DYNC1I1: variants seen among roughly 807,000 people sequenced by gnomAD.
DYNC1I1 encodes the protein dynein cytoplasmic 1 intermediate chain 1, also known as cytoplasmic dynein 1 intermediate chain 1.
A neutral mutation model predicts 86.6 loss-of-function variants in DYNC1I1; 43 were observed. That is an observed-to-expected ratio of 0.50 (90% CI 0.39 to 0.64). DYNC1I1 has a LOEUF of 0.64. Among genes scored for constraint, DYNC1I1 ranks in the 30% least tolerant of loss-of-function variants. DYNC1I1 has a pLI of 0.00. For synonymous variants in DYNC1I1, 262 were observed against 283.7 expected (o/e 0.92, Z 0.77); for missense variants, 604 against 788.8 (o/e 0.77, Z 2.81).
At chr7:95,891,348 A>C (rs1228891639) in intron 6 of DYNC1I1, among the ~76,000 whole-genome samples, 3 of 152,222 alleles carry the variant, frequency 2.0e-5, no homozygotes, top group Non-Finnish European at 4.4e-5. Flanking sequence ...CTATTTAGAA[A>C]ATGTATTCAA....
chr7:95,910,117 CTTTG>C (rs1404825520), intron 6 of DYNC1I1, among the ~76,000 whole-genome samples: 4 of 152,162 alleles, frequency 2.6e-5, no homozygotes, highest in Admixed American at 6.5e-5. Flanking sequence ...TTTGCTCTTG[CTTTG>C]TTTGACCTAT....
intron 6 of DYNC1I1, among the ~76,000 whole-genome samples, chr7:95,883,465 G>A (rs1218029108): frequency 1.3e-5 from 2 of 152,182 alleles, no homozygotes; most frequent in Non-Finnish European, 2.9e-5. Flanking sequence ...GTATAATGAT[G>A]TTTTATGTGA....
chr7:96,058,244 A>T (rs988552816), intron 14 of DYNC1I1, among the ~76,000 whole-genome samples: 1 of 152,212 alleles, frequency 6.6e-6, no homozygotes, highest in South Asian at 2.1e-4. Flanking sequence ...ACCAGCATTC[A>T]TGGAGAACGT....
At chr7:96,094,383 A>T (rs1345742340) in intron 16 of DYNC1I1, among the ~76,000 whole-genome samples, 1 of 152,198 alleles carries the variant, frequency 6.6e-6, no homozygotes, top group Non-Finnish European at 1.5e-5. Flanking sequence ...TCATAAATGC[A>T]TTTATGTTCT....
intron 1 of DYNC1I1, among the ~76,000 whole-genome samples, chr7:95,799,759 T>C (rs1366885287): frequency 6.6e-6 from 1 of 152,082 alleles, no homozygotes; most frequent in African/African-American, 2.4e-5. Context: ...GAACACAGAT[T>C]GGATTTCCTT....
chr7:95,824,330 G>A (rs1048996604), intron 4 of DYNC1I1, among the ~76,000 whole-genome samples: 5 of 151,924 alleles, frequency 3.3e-5, no homozygotes, highest in African/African-American at 1.2e-4. Context: ...AGAGCTGTAG[G>A]TTCCTTGAAC....
At chr7:96,078,664 A>G (rs540986115) in intron 15 of DYNC1I1, among the ~76,000 whole-genome samples, 1 of 152,266 alleles carries the variant, frequency 6.6e-6, no homozygotes, top group African/African-American at 2.4e-5. Flanking sequence ...TTATATTCGT[A>G]TTAAGATTAA....
At chr7:95,779,317 A>G (rs910025077) in intron 1 of DYNC1I1, among the ~76,000 whole-genome samples, 20 of 152,202 alleles carry the variant, frequency 1.3e-4, no homozygotes, top group Non-Finnish European at 5.9e-5. Context: ...TGATAAAGTA[A>G]TGAGAAGAAG....
downstream of DYNC1I1, among the ~76,000 whole-genome samples, chr7:96,101,231 TAGAC>T (rs1229606061): frequency 1.6e-4 from 24 of 152,222 alleles, no homozygotes; most frequent in African/African-American, 4.6e-4. Context: ...AGTGGCAAAA[TAGAC>T]AGGCAGCCAA....
intron 14 of DYNC1I1, among the ~76,000 whole-genome samples, chr7:96,075,184 A>G (rs1020113360): frequency 6.6e-6 from 1 of 152,172 alleles, no homozygotes; most frequent in Non-Finnish European, 1.5e-5. Context: ...CTTCTGTGCT[A>G]TTTTGATGTG....
intron 6 of DYNC1I1, among the ~76,000 whole-genome samples, chr7:95,907,774 GT>G (rs36104830): frequency 0.54 from 75,341 of 139,134 alleles, 19,911 homozygotes; most frequent in East Asian, 0.7. Context: ...TCAATCAACT[GT>G]TTTTTTTTTT....
intron 6 of DYNC1I1, among the ~76,000 whole-genome samples, chr7:95,924,194 T>G (rs1392746464): frequency 6.6e-6 from 1 of 152,168 alleles, no homozygotes; most frequent in African/African-American, 2.4e-5. Context: ...AGATACAATC[T>G]TCTGTGTTTT....
chr7:95,818,614 GAGATT>G, intron 4 of DYNC1I1: 1 of 580,990 alleles, frequency 1.7e-6, no homozygotes, highest in Non-Finnish European at 3.1e-6. Context: ...CCAAAGTGCT[GAGATT>G]ACAGGCAGGA....
intron 6 of DYNC1I1, among the ~76,000 whole-genome samples, chr7:95,935,394 G>C (rs1201327206): frequency 1.3e-5 from 2 of 152,028 alleles, no homozygotes; most frequent in Non-Finnish European, 2.9e-5. Flanking sequence ...CATTTAGGTT[G>C]TTTCCACATC....
intron 6 of DYNC1I1, among the ~76,000 whole-genome samples, chr7:95,889,987 CTGT>C (rs1419664547): frequency 6.6e-6 from 1 of 152,330 alleles, no homozygotes; most frequent in African/African-American, 2.4e-5. Flanking sequence ...TGCTTACACA[CTGT>C]TGGTGGGAGT....
At chr7:95,961,169 G>T (rs1419797807) in intron 6 of DYNC1I1, among the ~76,000 whole-genome samples, 1 of 152,190 alleles carries the variant, frequency 6.6e-6, no homozygotes, top group Non-Finnish European at 1.5e-5. Context: ...AATCTCATTG[G>T]AATTGGGGCT....
chr7:96,004,724 G>T (rs1381225577), intron 10 of DYNC1I1, among the ~76,000 whole-genome samples: 1 of 151,698 alleles, frequency 6.6e-6, no homozygotes, highest in African/African-American at 2.4e-5. Context: ...TCACAAAAGA[G>T]AATTATAGTA....
intron 5 of DYNC1I1, among the ~76,000 whole-genome samples, chr7:95,846,623 C>CTG (rs1314616292): frequency 0.028 from 3,404 of 120,872 alleles, 51 homozygotes; most frequent in Middle Eastern, 0.045. Flanking sequence ...ATAAATCTCT[C>CTG]TCTCTGTGTG....
chr7:95,867,474 T>G (rs1790043742), intron 5 of DYNC1I1, among the ~76,000 whole-genome samples: 1 of 152,220 alleles, frequency 6.6e-6, no homozygotes, highest in South Asian at 2.1e-4. Flanking sequence ...ATGAACCCAG[T>G]TTCAGAATGA....
Sources: gnomAD v4.1 joint callset for allele counts (sites outside exome capture counted in the v4.1 genomes callset) on GRCh38, gnomAD v4.1.1 for gene constraint, MANE v1.5 for transcripts, NCBI Gene and HGNC (gene_info 2026-07-23, HGNC 2026-07-21) for gene names.